PCCA: variants seen among roughly 807,000 people sequenced by gnomAD.
PCCA encodes propionyl-CoA carboxylase subunit alpha.
PCCA carries 74 observed loss-of-function variants against 101.3 expected under a neutral mutation model. The observed-to-expected ratio is 0.73, with a 90% CI of 0.61 to 0.89. PCCA has a LOEUF of 0.89. Ranked by LOEUF, PCCA falls within the 40% of genes least tolerant of loss-of-function variation. The pLI is 0.00. For missense variants in PCCA, 891 were observed against 907.0 expected (o/e 0.98, Z 0.23); for synonymous variants, 294 against 313.6 (o/e 0.94, Z 0.66).
chr13:100,429,059 AG>A (rs1416626572), intron 20 of PCCA, among the ~76,000 whole-genome samples: 1 of 152,102 alleles, frequency 6.6e-6, no homozygotes, highest in Non-Finnish European at 1.5e-5. Flanking sequence ...AGCAGATGTT[AG>A]GGATTCGGAG....
chr13:100,095,622 T>A (rs2046698741), intron 1 of PCCA, among the ~76,000 whole-genome samples: 1 of 152,130 alleles, frequency 6.6e-6, no homozygotes, highest in Non-Finnish European at 1.5e-5. Flanking sequence ...CATGTGACTA[T>A]ATGGGGGCCT....
chr13:100,419,049 A>G (rs115998906), intron 19 of PCCA, among the ~76,000 whole-genome samples: 323 of 151,384 alleles, frequency 2.1e-3, no homozygotes, highest in African/African-American at 7.6e-3. Context: ...TTCCTTCTAG[A>G]ATATTCCCAC....
At chr13:100,156,022 G>C (rs2053846222) in intron 5 of PCCA, among the ~76,000 whole-genome samples, 1 of 152,154 alleles carries the variant, frequency 6.6e-6, no homozygotes, top group Non-Finnish European at 1.5e-5. Flanking sequence ...TGATACAGTA[G>C]TTTAAATTCT....
chr13:100,124,868 A>G (rs948210926), intron 4 of PCCA, among the ~76,000 whole-genome samples: 4 of 152,170 alleles, frequency 2.6e-5, no homozygotes, highest in South Asian at 2.1e-4. Context: ...CCTTAGATGT[A>G]TATAGAGATG....
intron 5 of PCCA, among the ~76,000 whole-genome samples, chr13:100,156,454 A>G (rs1199454311): frequency 6.6e-6 from 1 of 152,186 alleles, no homozygotes; most frequent in Admixed American, 6.5e-5. Flanking sequence ...TCTTTTTAGC[A>G]GAATTATTTT....
chr13:100,285,004 G>A (rs2064482650), intron 12 of PCCA, among the ~76,000 whole-genome samples: 1 of 152,176 alleles, frequency 6.6e-6, no homozygotes, highest in Non-Finnish European at 1.5e-5. Flanking sequence ...GCTGATCAAG[G>A]GTACAAGGTG....
At chr13:100,294,437 T>G (rs1445701650) in intron 12 of PCCA, among the ~76,000 whole-genome samples, 2 of 152,178 alleles carry the variant, frequency 1.3e-5, no homozygotes, top group African/African-American at 4.8e-5. Flanking sequence ...TCTGTTCCGT[T>G]TTCGTGGTCA....
intron 14 of PCCA, chr13:100,305,910 AT>A: frequency 2.7e-6 from 1 of 364,040 alleles, no homozygotes. Flanking sequence ...AGATATCTAT[AT>A]TTTTGTTTGT....
chr13:100,404,594 A>G (rs1470565883), intron 19 of PCCA, among the ~76,000 whole-genome samples: 1 of 152,044 alleles, frequency 6.6e-6, no homozygotes, highest in Non-Finnish European at 1.5e-5. Flanking sequence ...TTCTCTTCCT[A>G]GCAGATACTC....
chr13:100,440,653 T>G (rs2080303675), intron 20 of PCCA, among the ~76,000 whole-genome samples: 1 of 152,044 alleles, frequency 6.6e-6, no homozygotes, highest in African/African-American at 2.4e-5. Flanking sequence ...CTAAAGTGTT[T>G]TACAGGTTTT....
At chr13:100,279,392 T>C (rs545262787) in intron 12 of PCCA, among the ~76,000 whole-genome samples, 1 of 152,334 alleles carries the variant, frequency 6.6e-6, no homozygotes, top group South Asian at 2.1e-4. Flanking sequence ...AATGGGAGCA[T>C]GAACAAAGAA....
At chr13:100,362,316 A>G (rs1474694885) in intron 18 of PCCA, among the ~76,000 whole-genome samples, 1 of 152,220 alleles carries the variant, frequency 6.6e-6, no homozygotes, top group Admixed American at 6.5e-5. Context: ...ACAGTTGCTG[A>G]AACAAAAGAG....
intron 18 of PCCA, among the ~76,000 whole-genome samples, chr13:100,348,790 TCC>T (rs753723864): frequency 0.039 from 2,329 of 59,768 alleles, 30 homozygotes; most frequent in Non-Finnish European, 0.047. Context: ...CTTTCTTTCT[TCC>T]TTCCTTCCTT....
At chr13:100,298,845 A>AG (rs2065844258) in intron 12 of PCCA, among the ~76,000 whole-genome samples, 1 of 151,032 alleles carries the variant, frequency 6.6e-6, no homozygotes, top group Non-Finnish European at 1.5e-5. Flanking sequence ...ACTTGGGAAT[A>AG]GGGGGATATT....
At chr13:100,466,382 T>G (rs1259026438) in intron 21 of PCCA, among the ~76,000 whole-genome samples, 1 of 152,218 alleles carries the variant, frequency 6.6e-6, no homozygotes, top group Non-Finnish European at 1.5e-5. Flanking sequence ...CACACAGTAG[T>G]CAGCATCTCA....
At chr13:100,194,131 A>C (rs1566677235) in intron 6 of PCCA, among the ~76,000 whole-genome samples, 1 of 152,148 alleles carries the variant, frequency 6.6e-6, no homozygotes, top group Non-Finnish European at 1.5e-5. Context: ...TATTTGAAAT[A>C]AGCTTTATAA....
intron 4 of PCCA, among the ~76,000 whole-genome samples, chr13:100,145,717 C>A (rs2052452157): frequency 6.6e-6 from 1 of 151,714 alleles, no homozygotes. Context: ...AAAAAAATAG[C>A]TGGGCATGGT....
intron 8 of PCCA, among the ~76,000 whole-genome samples, chr13:100,251,939 T>C (rs992220764): frequency 1.3e-5 from 2 of 152,064 alleles, no homozygotes; most frequent in African/African-American, 4.8e-5. Flanking sequence ...CATGAAGAAC[T>C]CCCCCCGCCA....
At chr13:100,220,426 ATTT>A (rs34275910) in intron 7 of PCCA, among the ~76,000 whole-genome samples, 1 of 132,506 alleles carries the variant, frequency 7.5e-6, no homozygotes. Context: ...TGCCTGACTA[ATTT>A]TTTTTTTTTT....
Sources: allele counts gnomAD v4.1 joint callset (sites outside exome capture counted in the v4.1 genomes callset), GRCh38; gene constraint gnomAD v4.1.1; transcripts MANE v1.5; gene names NCBI Gene and HGNC (gene_info 2026-07-23, HGNC 2026-07-21).